TMEM132C: variants seen among roughly 807,000 people sequenced by gnomAD.
TMEM132C encodes the protein protein phosphatase 1, regulatory subunit 152.
In TMEM132C, 29 loss-of-function variants were observed where a neutral mutation model predicts 61.4. The ratio of observed to expected loss-of-function variants is 0.47; its 90% confidence interval spans 0.35 to 0.64. TMEM132C has a LOEUF of 0.64. TMEM132C is among the 30% of genes least tolerant of loss of function. The probability of loss-of-function intolerance (pLI) is 0.00; values close to 1 mark genes in which losing one functional copy is unlikely to be tolerated. For missense variants in TMEM132C, 1,408 were observed against 1,476.9 expected (o/e 0.95, Z 0.76); for synonymous variants, 656 against 633.1 (o/e 1.04, Z -0.54).
chr12:128,609,091 ACTGTAAC>A lies in TMEM132C; in HGVS notation c.1122-7058_1122-7052del, dbSNP rs567688692. Among the ~76,000 whole-genome samples the A allele has an allele frequency of 3.0e-3, 447 of 151,440 alleles. 2 individuals are homozygous for A. The highest frequency in any genetic ancestry group is 0.011 in the African/African-American group (434 of 41,154). On this transcript the variant is annotated intron_variant, in intron 3 of 8. Coordinates refer to ENST00000435159, the MANE Select transcript of TMEM132C (RefSeq NM_001136103.3). ...TGGCCAGATCTCAGCTCACTGCAACACTGTAACCTCTGCCTCCCTGCACTGTAACCTC... is the reference window on the plus strand; with the variant it reads ...TGGCCAGATCTCAGCTCACTGCAACACTCTGCCTCCCTGCACTGTAACCTC...
rs182559412 is a variant in TMEM132C at position 128,405,642 on chromosome 12, T to C, written c.86-9090T>C. ...CAGGCAGCAAATAGGGGATGTGACC[T>C]TGGTTTTTTATTTACAGTGAGATTA... On this transcript the variant is annotated intron_variant, in intron 1 of 8. Coordinates refer to ENST00000435159, the MANE Select transcript of TMEM132C (RefSeq NM_001136103.3). Among the ~76,000 whole-genome samples, 150 of 152,328 alleles carry C rather than the reference T, an allele frequency of 9.8e-4. 1 individual carries two copies. Among genetic ancestry groups the C allele is most frequent in the African/African-American group, 3.0e-3 (125 of 41,574 alleles).
At chr12:128,386,617 T>C (rs1208833499) in intron 1 of TMEM132C, among the ~76,000 whole-genome samples, 2 of 152,156 alleles carry the variant, frequency 1.3e-5, no homozygotes, top group African/African-American at 2.4e-5. Context: ...CAGTACCCAC[T>C]CTGGGCTGGG....
chr12:128,598,723 C>A (rs1197109986), intron 3 of TMEM132C, among the ~76,000 whole-genome samples: 2 of 152,148 alleles, frequency 1.3e-5, no homozygotes, highest in African/African-American at 2.4e-5. Context: ...AACCCTCTAA[C>A]CCCCTGGGTT....
At chr12:128,340,785 C>CTT (rs1414937902) in intron 1 of TMEM132C, among the ~76,000 whole-genome samples, 1 of 136,166 alleles carries the variant, frequency 7.3e-6, no homozygotes, top group African/African-American at 3.2e-5. Context: ...CTTTCTTTCT[C>CTT]TCTCTCTCTC....
intron 1 of TMEM132C, among the ~76,000 whole-genome samples, chr12:128,352,205 T>G (rs1429145762): frequency 6.6e-6 from 1 of 152,124 alleles, no homozygotes; most frequent in South Asian, 2.1e-4. Context: ...TTTAATTGAC[T>G]CACAGTTCCA....
At chr12:128,431,870 T>C (rs1204701740) in intron 2 of TMEM132C, among the ~76,000 whole-genome samples, 1 of 152,176 alleles carries the variant, frequency 6.6e-6, no homozygotes, top group Non-Finnish European at 1.5e-5. Flanking sequence ...AGACAATGCC[T>C]GGCTTTAAAG....
chr12:128,378,798 C>T (rs370869381), intron 1 of TMEM132C, among the ~76,000 whole-genome samples: 1 of 152,140 alleles, frequency 6.6e-6, no homozygotes, highest in South Asian at 2.1e-4. Flanking sequence ...TTATAGTTCT[C>T]ATAATCCCAC....
rs765152564 is a variant in TMEM132C, at chr12:128,705,418, T to C, written c.2450T>C (p.Ile817Thr). The C allele has an allele frequency of 6.4e-7, 1 of 1,550,900 alleles. No individual in the cohort carries two copies. The highest frequency in any genetic ancestry group is 1.2e-5 in the South Asian group (1 of 84,058). Residue 817 changes from isoleucine (I) to threonine (T), a missense_variant, in exon 9 of 9, where the codon ATC becomes ACC. By Grantham distance (89) the Ile-to-Thr change is moderately conservative (BLOSUM62 -1). Transcript: ENST00000435159. ...SPGGDYEEDE[I>T]KNHASDRRQK... ...GGCGGGGACTATGAGGAAGATGAGA[T>C]CAAGAACCACGCCAGCGACCGCCGG...
At chr12:128,286,679 G>C (rs1037556866) in intron 1 of TMEM132C, among the ~76,000 whole-genome samples, 2 of 152,158 alleles carry the variant, frequency 1.3e-5, no homozygotes, top group African/African-American at 4.8e-5. Context: ...TTGATGGAAA[G>C]GATGAGATAC....
intron 2 of TMEM132C, among the ~76,000 whole-genome samples, chr12:128,459,617 C>T (rs1246266261): frequency 6.6e-6 from 1 of 152,040 alleles, no homozygotes; most frequent in African/African-American, 2.4e-5. Flanking sequence ...TTGGGCCAGG[C>T]GCGGTGGCTC....
intron 4 of TMEM132C, among the ~76,000 whole-genome samples, chr12:128,658,517 T>G (rs958204948): frequency 1.3e-5 from 2 of 152,144 alleles, no homozygotes; most frequent in African/African-American, 2.4e-5. Context: ...TGATCTTTTT[T>G]TTTTTCCTGT....
At chr12:128,556,969 G>C (rs1424415543) in intron 3 of TMEM132C, among the ~76,000 whole-genome samples, 1 of 152,146 alleles carries the variant, frequency 6.6e-6, no homozygotes, top group African/African-American at 2.4e-5. Context: ...CTACGTTTTG[G>C]GGTGATTTGT....
intron 2 of TMEM132C, among the ~76,000 whole-genome samples, chr12:128,440,158 G>T (rs1205243140): frequency 2.0e-5 from 3 of 152,250 alleles, no homozygotes; most frequent in East Asian, 3.9e-4. Context: ...CCTGTCTGGG[G>T]CTATCCGTGT....
intron 3 of TMEM132C, among the ~76,000 whole-genome samples, chr12:128,572,136 A>T (rs1874908815): frequency 6.6e-6 from 1 of 151,336 alleles, no homozygotes; most frequent in African/African-American, 2.4e-5. Context: ...GGCCTGTGTC[A>T]CACGCCCATT....
rs926558305 is a variant in TMEM132C, at chr12:128,318,805, A to T, written c.85+51318A>T. Among the ~76,000 whole-genome samples the T allele has an allele frequency of 2.6e-5, 4 of 152,178 alleles. No homozygotes were observed. In the East Asian group the frequency reaches 5.8e-4, roughly 22 times the overall value. On this transcript the variant is annotated intron_variant, in intron 1 of 8. Coordinates refer to ENST00000435159, the MANE Select transcript of TMEM132C (RefSeq NM_001136103.3). The stretch of plus-strand genomic sequence containing the variant: ...CTAGCATAGCAGCCTTAAAATATTG[A>T]ACTGGCATATGCTTTCATGACAGTT...
chr12:128,445,224 C>G (rs1414489155), intron 2 of TMEM132C, among the ~76,000 whole-genome samples: 2 of 151,658 alleles, frequency 1.3e-5, no homozygotes, highest in African/African-American at 2.4e-5. Flanking sequence ...ACTTTTTTCC[C>G]TCCAGATTGC....
chr12:128,288,637 T>G (rs1003408976), intron 1 of TMEM132C: 1 of 152,144 alleles, frequency 6.6e-6, no homozygotes, highest in Non-Finnish European at 1.5e-5. Context: ...TGGTGGGAAT[T>G]TCAACAGGAC....
intron 3 of TMEM132C, among the ~76,000 whole-genome samples, chr12:128,572,873 A>G (rs1296736618): frequency 1.3e-5 from 2 of 152,266 alleles, no homozygotes; most frequent in East Asian, 1.9e-4. Flanking sequence ...TGAAGATACC[A>G]GAGAAATGCA....
At chr12:128,448,911 G>C (rs369009873) in intron 2 of TMEM132C, among the ~76,000 whole-genome samples, 3 of 151,996 alleles carry the variant, frequency 2.0e-5, no homozygotes. Flanking sequence ...GCCGAGGCGG[G>C]CGGATCACGA....
Sources: allele counts gnomAD v4.1 joint callset (sites outside exome capture counted in the v4.1 genomes callset), GRCh38; gene constraint gnomAD v4.1.1; transcripts MANE v1.5; gene names NCBI Gene and HGNC (gene_info 2026-07-23, HGNC 2026-07-21).